The following GUCY1A2 variants were observed in gnomAD, a reference collection of about 807,000 sequenced individuals.
GUCY1A2 encodes the protein guanylate cyclase 1 soluble subunit alpha 2, also known as guanylate cyclase soluble subunit alpha-2.
GUCY1A2 carries 27 observed loss-of-function variants against 63.5 expected under a neutral mutation model. That is an observed-to-expected ratio of 0.43 (90% CI 0.31 to 0.59). The LOEUF is 0.59. Among genes scored for constraint, GUCY1A2 ranks in the 20% least tolerant of loss-of-function variants. The pLI, the probability that GUCY1A2 is intolerant of heterozygous loss-of-function variation, is 0.11. For synonymous variants in GUCY1A2, 364 were observed against 343.5 expected (o/e 1.06, Z -0.66); for missense variants, 768 against 913.3 (o/e 0.84, Z 2.05).
intron 6 of GUCY1A2, among the ~76,000 whole-genome samples, chr11:106,714,885 A>G (rs1401203906): frequency 6.6e-6 from 1 of 152,212 alleles, no homozygotes; most frequent in African/African-American, 2.4e-5. Context: ...GACCTCTAGC[A>G]ACCTATTAAT....
At chr11:106,945,310 A>T (rs1195432530) in intron 3 of GUCY1A2, among the ~76,000 whole-genome samples, 4 of 152,142 alleles carry the variant, frequency 2.6e-5, no homozygotes, top group African/African-American at 9.7e-5. Flanking sequence ...CTAAAAGTTT[A>T]TCACCCAGAA....
At chr11:106,853,932 T>C (rs1021032172) in intron 4 of GUCY1A2, among the ~76,000 whole-genome samples, 16 of 152,222 alleles carry the variant, frequency 1.1e-4, no homozygotes, top group African/African-American at 3.1e-4. Flanking sequence ...AGTGAGTTCC[T>C]CAGTGACACT....
intron 5 of GUCY1A2, among the ~76,000 whole-genome samples, chr11:106,788,182 T>C (rs1411608785): frequency 6.6e-6 from 1 of 152,210 alleles, no homozygotes; most frequent in African/African-American, 2.4e-5. Context: ...ATTTCTCTTC[T>C]TGTGAGAAAT....
At chr11:106,862,885 C>A (rs1256912232) in intron 4 of GUCY1A2, among the ~76,000 whole-genome samples, 2 of 152,038 alleles carry the variant, frequency 1.3e-5, no homozygotes, top group Non-Finnish European at 2.9e-5. Context: ...TTCTCTCTTT[C>A]ATTGAGATAC....
Position 106,892,301 on chromosome 11 carries a change from T to C in GUCY1A2, c.1206+47159A>G, listed in dbSNP as rs73553836. Among the ~76,000 whole-genome samples, 1,383 of 152,246 alleles carry C rather than the reference T, an allele frequency of 9.1e-3. 16 individuals carry two copies. Among genetic ancestry groups the C allele is most frequent in the African/African-American group, 0.031 (1,270 of 41,554 alleles). ...AACTATAAATTTAGGGCCATTTCCCTTTGACCAATGCTATCTCTCATTTTC... is the reference window on the plus strand; with the variant it reads ...AACTATAAATTTAGGGCCATTTCCCCTTGACCAATGCTATCTCTCATTTTC... On this transcript the variant is annotated intron_variant, in intron 4 of 7. Coordinates refer to ENST00000526355, the MANE Select transcript of GUCY1A2 (RefSeq NM_000855.3).
Position 106,678,292 on chromosome 11 carries a change from G to A in GUCY1A2, c.*9257C>T, listed in dbSNP as rs1487999489. 4.9e-6 allele frequency: 1 copy of A among 205,544 alleles called. No individual in the cohort carries two copies. Among genetic ancestry groups the A allele is most frequent in the African/African-American group, 2.3e-5 (1 of 43,804 alleles). 12.7% of individuals were successfully genotyped at this position (205,544 alleles called of 1,614,324 possible). ...ATCTGAGAGTCCAAGCCAAGGTTAA[G>A]TTTTGGTTTCAGTGTGGTAATTTTT... On this transcript the variant is annotated 3_prime_UTR_variant, in exon 8 of 8. Transcript: ENST00000526355.
In GUCY1A2 at chr11:106,708,639, C is replaced by G; in HGVS notation, c.1864G>C (p.Val622Leu). Residue 622 changes from valine to leucine, a missense_variant, in exon 7 of 8, where the codon GTG (valine) becomes CTG (leucine). Physicochemically the swap from Val to Leu is conservative, Grantham distance 32. This residue lies in a region of GUCY1A2 where 150 missense variants were observed against 188.3 expected (regional missense o/e 0.80). Coordinates refer to ENST00000526355, the MANE Select transcript of GUCY1A2 (RefSeq NM_000855.3). ...QMRIGIHSGS[V>L]LAGVVGVRMP... ...CGCACCCCAACAACTCCAGCCAGCA[C>G]GGAGCCTGAGTGAATTCCTATCCTC... The G allele has an allele frequency of 6.2e-7, 1 of 1,608,198 alleles. No individual in the cohort carries two copies.
Position 106,678,046 on chromosome 11 carries a change from T to G in GUCY1A2, c.*9503A>C, listed in dbSNP as rs1240558027. Reference sequence around the variant, plus strand: ...TGCCTGGTGACACACTTGAAACAAATTTTAAAAGAAGAATAGTAATTTGGG... The same window carrying G: ...TGCCTGGTGACACACTTGAAACAAAGTTTAAAAGAAGAATAGTAATTTGGG... On this transcript the variant is annotated 3_prime_UTR_variant, in exon 8 of 8. Coordinates refer to ENST00000526355, the MANE Select transcript of GUCY1A2 (RefSeq NM_000855.3). 9.9e-6 allele frequency: 2 copies of G among 201,320 alleles called. No individual in the cohort carries two copies. The highest frequency in any genetic ancestry group is 4.6e-5 in the African/African-American group (2 of 43,480). 12.5% of individuals were successfully genotyped at this position (201,320 alleles called of 1,614,324 possible). A position where few individuals can be genotyped will look rare whatever the true frequency, so the allele number is the denominator to read the frequency against.
At chr11:106,949,210 CTCA>C (rs140053669) in intron 3 of GUCY1A2, among the ~76,000 whole-genome samples, 25,426 of 151,920 alleles carry the variant, frequency 0.17, 2,219 homozygotes, top group South Asian at 0.26. Context: ...AATTATACAT[CTCA>C]TCATATTGTT....
chr11:106,833,558 C>T (rs1392623237), intron 4 of GUCY1A2, among the ~76,000 whole-genome samples: 3 of 152,054 alleles, frequency 2.0e-5, no homozygotes, highest in Non-Finnish European at 4.4e-5. Flanking sequence ...ACTACCTTTT[C>T]TCATTTATGT....
intron 1 of GUCY1A2, among the ~76,000 whole-genome samples, chr11:106,999,133 A>C (rs1398027788): frequency 3.9e-5 from 6 of 152,174 alleles, no homozygotes; most frequent in African/African-American, 1.4e-4. Flanking sequence ...AGGTCCTTAC[A>C]ATCAAGAGAG....
chr11:106,988,784 C>T (rs973070327), intron 1 of GUCY1A2, among the ~76,000 whole-genome samples: 4 of 152,216 alleles, frequency 2.6e-5, no homozygotes, highest in African/African-American at 9.6e-5. Context: ...CCAAGACTGA[C>T]TTCAACACAG....
chr11:106,823,044 AATG>A (rs1477004909), intron 4 of GUCY1A2, among the ~76,000 whole-genome samples: 1 of 152,152 alleles, frequency 6.6e-6, no homozygotes, highest in Admixed American at 6.6e-5. Context: ...GAGAGAAGAA[AATG>A]ATATTTGTTT....
intron 6 of GUCY1A2, among the ~76,000 whole-genome samples, chr11:106,709,173 CTATATAT>C (rs1310315393): frequency 1.7e-5 from 2 of 117,334 alleles, no homozygotes; most frequent in Non-Finnish European, 3.3e-5. Flanking sequence ...ATATATATAA[CTATATAT>C]TATATATAAC....
intron 6 of GUCY1A2, among the ~76,000 whole-genome samples, chr11:106,765,967 G>T (rs1015670792): frequency 6.6e-6 from 1 of 152,102 alleles, no homozygotes; most frequent in Non-Finnish European, 1.5e-5. Flanking sequence ...TACACACAAG[G>T]TGACAATTTC....
intron 4 of GUCY1A2, among the ~76,000 whole-genome samples, chr11:106,848,319 AT>A (rs1859305440): frequency 1.3e-5 from 2 of 151,768 alleles, no homozygotes; most frequent in Admixed American, 6.6e-5. Context: ...GAAATAATTG[AT>A]TTTTCAGAAA....
intron 3 of GUCY1A2, among the ~76,000 whole-genome samples, chr11:106,950,945 T>C (rs145423454): frequency 0.012 from 1,817 of 152,240 alleles, 24 homozygotes; most frequent in South Asian, 0.047. Context: ...TCTGTGACCA[T>C]GTGTTCTCAA....
intron 4 of GUCY1A2, among the ~76,000 whole-genome samples, chr11:106,900,251 T>A (rs1860112730): frequency 6.6e-6 from 1 of 152,176 alleles, no homozygotes; most frequent in Non-Finnish European, 1.5e-5. Flanking sequence ...CGGCACTATA[T>A]CTGCTCCCCG....
intron 3 of GUCY1A2, among the ~76,000 whole-genome samples, chr11:106,963,365 C>G (rs528592308): frequency 6.6e-6 from 1 of 152,140 alleles, no homozygotes; most frequent in South Asian, 2.1e-4. Context: ...AATATAGTAC[C>G]ATGAAAATCG....
Sources: gnomAD v4.1 joint callset for allele counts (sites outside exome capture counted in the v4.1 genomes callset) on GRCh38, gnomAD v4.1.1 for gene constraint, gnomAD v4.1.1 regional missense constraint, MANE v1.5 for transcripts, NCBI Gene and HGNC (gene_info 2026-07-23, HGNC 2026-07-21) for gene names.